The following PRDM2 variants were observed in gnomAD, a reference collection of about 807,000 sequenced individuals.
The protein encoded by PRDM2 is PR domain zinc finger protein 2.
A neutral mutation model predicts 130.0 loss-of-function variants in PRDM2; 30 were observed. The ratio of observed to expected loss-of-function variants is 0.23; its 90% CI spans 0.17 to 0.31. The LOEUF (loss-of-function observed/expected upper bound fraction) is 0.31, where lower values mean the gene tolerates loss of function less well. PRDM2 is among the 10% of genes least tolerant of loss of function. PRDM2 has a pLI of 1.00. For synonymous variants in PRDM2, 871 were observed against 782.4 expected, an observed-to-expected ratio of 1.11 and a Z score of -1.89; for missense variants, 2,011 against 2,108.4, an observed-to-expected ratio of 0.95 and a Z score of 0.90.
intron 8 of PRDM2, among the ~76,000 whole-genome samples, chr1:13,804,713 A>G (rs1645061470): frequency 6.6e-6 from 1 of 152,120 alleles, no homozygotes; most frequent in African/African-American, 2.4e-5. Context: ...AACCAACGAA[A>G]TCAGAACTTG....
rs1455057666 is a variant in PRDM2, at chr1:13,721,322, TC to T, written c.9+5713del. Among the ~76,000 whole-genome samples the T allele has an allele frequency of 2.0e-5, 3 of 152,028 alleles. No homozygotes were observed. In the East Asian group the frequency reaches 5.8e-4, roughly 29 times the overall value. ...TTCTATCTTTCATCTTAGTTATCTC[TC>T]CCCCTTTTTTCTAATTCTAAAAATA... is the stretch of plus-strand genomic sequence containing the variant. On this transcript the variant is annotated intron_variant, in intron 2 of 9. Coordinates refer to ENST00000311066, the MANE Select transcript of PRDM2 (RefSeq NM_001393986.1).
rs1368851527 is a variant in PRDM2 at position 13,732,884 on chromosome 1, TAAG to T, written c.231+6_231+8del. On this transcript the variant is annotated splice_donor_5th_base_variant and intron_variant, in intron 4 of 9. Coordinates refer to ENST00000311066, the MANE Select transcript of PRDM2 (RefSeq NM_001393986.1). ...AAGAATAATGTATACATGTGGGAGG[TAAG>T]AAGTAATTCTGATTCTTTGTTTTTC... 4.0e-6 allele frequency: 6 copies of T among 1,517,678 alleles called. No homozygotes were observed. The highest frequency in any genetic ancestry group is 1.2e-5 in the South Asian group (1 of 83,096). The allele number at this position is 1,517,678 out of a possible 1,614,324, so 94.0% of individuals were successfully genotyped here. A position where few individuals can be genotyped will look rare whatever the true frequency, so the allele number is the denominator to read the frequency against.
intron 9 of PRDM2, among the ~76,000 whole-genome samples, chr1:13,817,796 G>A (rs756158663): frequency 4.6e-5 from 7 of 152,020 alleles, no homozygotes; most frequent in Admixed American, 2.6e-4. Flanking sequence ...TCAGGAGATC[G>A]AGACCATCCT....
intron 2 of PRDM2, among the ~76,000 whole-genome samples, chr1:13,728,409 T>C (rs1642995194): frequency 6.6e-6 from 1 of 152,186 alleles, no homozygotes; most frequent in African/African-American, 2.4e-5. Context: ...AGCCCATGAA[T>C]CTACCTTCTA....
chr1:13,778,399 G>T lies in PRDM2; in HGVS notation c.623-19G>T. 6.4e-7 allele frequency: 1 copy of T among 1,563,484 alleles called. No individual in the cohort carries two copies. ...TCCCATGCTTCACTTCCATGCTTCT[G>T]CTTCCATGTGCTTTCTAGGTCCTAA... On this transcript the variant is annotated intron_variant, in intron 7 of 9. Transcript: ENST00000311066.
At chr1:13,715,965 T>C (rs1642520543) in intron 2 of PRDM2, among the ~76,000 whole-genome samples, 4 of 152,340 alleles carry the variant, frequency 2.6e-5, no homozygotes, top group Admixed American at 6.5e-5. Context: ...TTTTTTATTT[T>C]GTGATTATTT....
Position 13,749,419 on chromosome 1 carries a change from T to A in PRDM2, c.443T>A (p.Ile148Lys). The A allele has an allele frequency of 2.0e-6, 3 of 1,504,608 alleles. No individual in the cohort carries two copies. Among genetic ancestry groups the A allele is most frequent in the Non-Finnish European group, 2.7e-6 (3 of 1,113,416 alleles). The allele number at this position is 1,504,608 out of a possible 1,614,324, so 93.2% of individuals were successfully genotyped here. ...VWYNGEDNPE[I>K]AAAIEEERAS... ...TACAATGGGGAAGACAACCCTGAGATAGCAGCTGCGATTGAGGAAGAGCGA... is the reference window on the plus strand; with the variant it reads ...TACAATGGGGAAGACAACCCTGAGAAAGCAGCTGCGATTGAGGAAGAGCGA... Residue 148 changes from isoleucine to lysine, a missense_variant, in exon 6 of 10, where the codon ATA (isoleucine) becomes AAA (lysine). Coordinates refer to ENST00000311066, the MANE Select transcript of PRDM2 (RefSeq NM_001393986.1).
chr1:13,728,026 G>T (rs1339061555), intron 2 of PRDM2, among the ~76,000 whole-genome samples: 1 of 152,100 alleles, frequency 6.6e-6, no homozygotes, highest in Non-Finnish European at 1.5e-5. Flanking sequence ...TCTAAAAAAG[G>T]ATTCTTATAT....
intron 1 of PRDM2, among the ~76,000 whole-genome samples, chr1:13,712,878 G>A (rs2100405952): frequency 6.6e-6 from 1 of 152,298 alleles, no homozygotes; most frequent in East Asian, 1.9e-4. Flanking sequence ...ATTGTCTCTT[G>A]GTTAGACTGG....
intron 1 of PRDM2, among the ~76,000 whole-genome samples, chr1:13,700,883 C>T (rs1642053250): frequency 6.6e-6 from 1 of 152,042 alleles, no homozygotes; most frequent in Admixed American, 6.5e-5. Flanking sequence ...TGCGCACGCG[C>T]GCGTGTGTGT....
chr1:13,732,233 C>T (rs565080935), intron 3 of PRDM2, among the ~76,000 whole-genome samples: 3 of 152,248 alleles, frequency 2.0e-5, no homozygotes, highest in East Asian at 1.9e-4. Context: ...AAAAGTGAGC[C>T]GTTCCAGTAG....
chr1:13,772,349 A>T (rs957347223), intron 6 of PRDM2: 5 of 152,214 alleles, frequency 3.3e-5, no homozygotes, highest in Non-Finnish European at 7.3e-5. Flanking sequence ...CGTTGTTCCA[A>T]CTTATGAGAA....
chr1:13,769,931 AG>A (rs747650940), intron 6 of PRDM2, among the ~76,000 whole-genome samples: 1 of 152,012 alleles, frequency 6.6e-6, no homozygotes, highest in African/African-American at 2.4e-5. Flanking sequence ...CACAATTAGA[AG>A]GGGGGGTGCC....
chr1:13,820,156 C>T lies in PRDM2; in HGVS notation c.*24-3003C>T, dbSNP rs1176665047. Among the ~76,000 whole-genome samples the T allele has an allele frequency of 5.3e-5, 8 of 152,140 alleles. No individual in the cohort carries two copies. The East Asian group carries it at 5.8e-4, about 11-fold the overall frequency. On this transcript the variant is annotated intron_variant, in intron 9 of 9. Transcript: ENST00000311066. ...ACGGATCTTCGACTTCTAATTGGGC[C>T]GTGCCTCCTTGCAAAACTGTGTGTG...
Position 13,781,917 on chromosome 1 carries a change from A to G in PRDM2, c.4122A>G (p.Lys1374=), listed in dbSNP as rs1306569375. ...CTAAGAAAAACCCAGTACCATTAAAACAAACTGTGCAACCCAAAAATGGCG... is the reference window on the plus strand; with the variant it reads ...CTAAGAAAAACCCAGTACCATTAAAGCAAACTGTGCAACCCAAAAATGGCG... ...YTPKKNPVPL[K]QTVQPKNGVV... The change falls in exon 8 of 10, where the codon AAA becomes AAG. Residue 1374 remains lysine (K), a synonymous_variant. Transcript: ENST00000311066. The surrounding 1 kb of genome is among the most constrained non-coding windows in gnomAD (Gnocchi z 6.1). 3 of 1,614,240 alleles carry G rather than the reference A, an allele frequency of 1.9e-6. No homozygotes were observed. The highest frequency in any genetic ancestry group is 3.3e-5 in the Admixed American group (2 of 60,026).
chr1:13,815,904 A>G (rs1035999228), intron 8 of PRDM2, among the ~76,000 whole-genome samples: 4 of 152,178 alleles, frequency 2.6e-5, no homozygotes, highest in Admixed American at 6.5e-5. Flanking sequence ...GTTAAGGGCA[A>G]TGGAGCTGCC....
intron 8 of PRDM2, among the ~76,000 whole-genome samples, chr1:13,797,147 A>G (rs1390369884): frequency 6.6e-6 from 1 of 152,246 alleles, no homozygotes; most frequent in Non-Finnish European, 1.5e-5. Context: ...AAGTACTGGT[A>G]GTTCACTACC....
chr1:13,715,012 CA>C (rs1417658825), intron 1 of PRDM2, among the ~76,000 whole-genome samples: 2 of 152,196 alleles, frequency 1.3e-5, no homozygotes, highest in Non-Finnish European at 2.9e-5. Context: ...TGTTTCCCAA[CA>C]TCTTTTATTA....
intron 7 of PRDM2, 32 bp from the exon 8 acceptor site, chr1:13,778,386 C>G: frequency 6.5e-7 from 1 of 1,548,384 alleles, no homozygotes; most frequent in East Asian, 2.3e-5. Context: ...CCATGCTTCA[C>G]TTCCATGCTT....
Sources: allele counts gnomAD v4.1 joint callset (sites outside exome capture counted in the v4.1 genomes callset), GRCh38; gene constraint gnomAD v4.1.1; non-coding constraint Gnocchi (gnomAD v3.1); transcripts MANE v1.5; gene names NCBI Gene and HGNC (gene_info 2026-07-23, HGNC 2026-07-21).